RUNX1: variants seen among roughly 807,000 people sequenced by gnomAD.
RUNX1 encodes RUNX family transcription factor 1, also known as runt-related transcription factor 1.
A neutral mutation model predicts 42.8 loss-of-function variants in RUNX1; 19 were observed. The ratio of observed to expected loss-of-function variants is 0.44; its 90% CI spans 0.31 to 0.65. The LOEUF is 0.65. Ranked by LOEUF, RUNX1 falls within the 30% of genes least tolerant of loss-of-function variation. RUNX1 has a pLI of 0.07. For synonymous variants in RUNX1, 271 were observed against 289.4 expected (o/e 0.94, Z 0.64); for missense variants, 528 against 672.0 (o/e 0.79, Z 2.37).
chr21:34,899,626 G>A (rs1188169740), intron 2 of RUNX1, among the ~76,000 whole-genome samples: 2 of 152,216 alleles, frequency 1.3e-5, no homozygotes, highest in Admixed American at 6.5e-5. Context: ...ACAAGGAGCT[G>A]CTTTACATAC....
chr21:34,998,568 G>A (rs765418350), intron 2 of RUNX1, among the ~76,000 whole-genome samples: 11 of 151,882 alleles, frequency 7.2e-5, no homozygotes, highest in Non-Finnish European at 1.6e-4. Flanking sequence ...TTGAGATGGA[G>A]TCTTGCTCTG....
rs1046533870 is a variant in RUNX1, at chr21:34,872,334, G to A, written c.508+8223C>T. ...CATTCATGAGGGGGTGGCTACAGTGGGGAGCCTTCTCGGAGAAGCTGCCCT... is the reference window on the plus strand; with the variant it reads ...CATTCATGAGGGGGTGGCTACAGTGAGGAGCCTTCTCGGAGAAGCTGCCCT... On this transcript the variant is annotated intron_variant, in intron 5 of 8. Coordinates refer to ENST00000675419, the MANE Select transcript of RUNX1 (RefSeq NM_001754.5). 3.9e-5 allele frequency among the ~76,000 whole-genome samples: 6 copies of A among 152,126 alleles called. No homozygotes were observed. The East Asian group carries it at 9.7e-4, about 24-fold the overall frequency.
At chr21:34,870,490 G>A (rs1601494198) in intron 5 of RUNX1, among the ~76,000 whole-genome samples, 1 of 152,324 alleles carries the variant, frequency 6.6e-6, no homozygotes, top group African/African-American at 2.4e-5. Flanking sequence ...AGGAGGGTGG[G>A]TGCTAGTAGC....
intron 8 of RUNX1, among the ~76,000 whole-genome samples, chr21:34,793,343 T>C (rs992829473): frequency 6.6e-6 from 1 of 152,164 alleles, no homozygotes; most frequent in African/African-American, 2.4e-5. Flanking sequence ...TAGTATAGCA[T>C]AATATGTATA....
intron 6 of RUNX1, among the ~76,000 whole-genome samples, chr21:34,844,365 C>T (rs79370398): frequency 0.028 from 4,288 of 152,228 alleles, 69 homozygotes; most frequent in African/African-American, 0.044. Flanking sequence ...GAAGAAGATC[C>T]AGGAGGCGCA....
intron 7 of RUNX1, among the ~76,000 whole-genome samples, chr21:34,819,523 C>T (rs1168836721): frequency 1.3e-5 from 2 of 152,244 alleles, no homozygotes; most frequent in Non-Finnish European, 2.9e-5. Context: ...ACTCTGGTGC[C>T]TCTGAAAGAA....
intron 7 of RUNX1, among the ~76,000 whole-genome samples, chr21:34,826,316 C>T (rs979863870): frequency 1.3e-5 from 2 of 152,090 alleles, no homozygotes; most frequent in Non-Finnish European, 2.9e-5. Context: ...TTTCTTGTGC[C>T]CCTTGCTTTC....
At chr21:34,936,580 G>A (rs1472885254) in intron 2 of RUNX1, among the ~76,000 whole-genome samples, 1 of 152,148 alleles carries the variant, frequency 6.6e-6, no homozygotes, top group African/African-American at 2.4e-5. Flanking sequence ...CTACAGGTGT[G>A]GCATCTCATC....
intron 2 of RUNX1, among the ~76,000 whole-genome samples, chr21:34,954,249 T>C (rs2058629055): frequency 6.6e-6 from 1 of 152,218 alleles, no homozygotes; most frequent in South Asian, 2.1e-4. Flanking sequence ...GATTCAGTCC[T>C]ACAGTCATAG....
chr21:34,931,264 G>C, intron 2 of RUNX1, among the ~76,000 whole-genome samples: 1 of 151,030 alleles, frequency 6.6e-6, no homozygotes. Context: ...CTGGAAGGTA[G>C]TGTCTTTGTT....
intron 2 of RUNX1, among the ~76,000 whole-genome samples, chr21:35,048,340 C>T (rs2059415505): frequency 1.3e-5 from 2 of 152,236 alleles, no homozygotes; most frequent in Admixed American, 1.3e-4. Flanking sequence ...CAGGCTGGTG[C>T]AAGGCTATCT....
chr21:34,918,533 CTTT>C (rs918287701), intron 2 of RUNX1, among the ~76,000 whole-genome samples: 58 of 152,228 alleles, frequency 3.8e-4, no homozygotes, highest in African/African-American at 1.3e-3. Flanking sequence ...TGATTTTATT[CTTT>C]GTTAGGAAGG....
intron 2 of RUNX1, among the ~76,000 whole-genome samples, chr21:34,930,951 C>T (rs898827075): frequency 2.0e-5 from 3 of 152,042 alleles, no homozygotes; most frequent in Non-Finnish European, 4.4e-5. Context: ...ATCCAATATC[C>T]TAAGAGATCA....
At chr21:34,851,954 G>A (rs1050156298) in intron 6 of RUNX1, among the ~76,000 whole-genome samples, 1 of 152,166 alleles carries the variant, frequency 6.6e-6, no homozygotes, top group African/African-American at 2.4e-5. Flanking sequence ...ATCAGCTGAG[G>A]TCAGGAGATG....
intron 2 of RUNX1, among the ~76,000 whole-genome samples, chr21:34,944,688 T>G (rs3804014): frequency 0.18 from 27,777 of 152,042 alleles, 5,401 homozygotes; most frequent in African/African-American, 0.49. Context: ...ATGGCAGAAT[T>G]GGGGAGGCCT....
chr21:34,795,671 G>A (rs894560227), intron 8 of RUNX1, among the ~76,000 whole-genome samples: 6 of 152,140 alleles, frequency 3.9e-5, no homozygotes, highest in South Asian at 2.1e-4. Flanking sequence ...AGTCATTCTC[G>A]AGCCAGGCCA....
intron 7 of RUNX1, among the ~76,000 whole-genome samples, chr21:34,811,257 C>T (rs151232242): frequency 2.0e-5 from 3 of 152,324 alleles, no homozygotes; most frequent in East Asian, 1.9e-4. Context: ...GGAAGTGCCT[C>T]GTCCCCTTCA....
chr21:34,841,788 G>A (rs1440061765), intron 6 of RUNX1, among the ~76,000 whole-genome samples: 1 of 152,134 alleles, frequency 6.6e-6, no homozygotes, highest in Non-Finnish European at 1.5e-5. Context: ...AGGAGTTCCT[G>A]GAGATCCCCT....
intron 6 of RUNX1, among the ~76,000 whole-genome samples, chr21:34,855,107 A>G (rs1015343641): frequency 2.0e-5 from 3 of 152,126 alleles, no homozygotes; most frequent in East Asian, 3.9e-4. Context: ...TAGTTTCTCA[A>G]TGTTCCAGAC....
Sources: allele counts gnomAD v4.1 joint callset (sites outside exome capture counted in the v4.1 genomes callset), GRCh38; gene constraint gnomAD v4.1.1; transcripts MANE v1.5; gene names NCBI Gene and HGNC (gene_info 2026-07-23, HGNC 2026-07-21).